The following PIEZO2 variants were observed in gnomAD, a reference collection of about 807,000 sequenced individuals.
The protein encoded by PIEZO2 is piezo-type mechanosensitive ion channel component 2.
PIEZO2 carries 172 observed loss-of-function variants against 337.3 expected under a neutral mutation model. The ratio of observed to expected loss-of-function variants is 0.51; its 90% confidence interval spans 0.45 to 0.58. The LOEUF (loss-of-function observed/expected upper bound fraction) is 0.58, where lower values mean the gene tolerates loss of function less well. Ranked by LOEUF, PIEZO2 falls within the 20% of genes least tolerant of loss-of-function variation. The pLI is 0.00. For synonymous variants in PIEZO2, 1,251 were observed against 1,228.5 expected (o/e 1.02, Z -0.38); for missense variants, 3,028 against 3,391.3 (o/e 0.89, Z 2.66).
chr18:10,680,547 C>G (rs2143490468), intron 51 of PIEZO2, among the ~76,000 whole-genome samples, 176 bp from the exon 52 acceptor site: 1 of 152,306 alleles, frequency 6.6e-6, no homozygotes, highest in African/African-American at 2.4e-5. Flanking sequence ...TCCTTACCCA[C>G]AGGTATGGGC....
At chr18:10,880,891 A>G (rs2042399264) in intron 4 of PIEZO2, among the ~76,000 whole-genome samples, 1 of 94,136 alleles carries the variant, frequency 1.1e-5, no homozygotes, top group African/African-American at 3.8e-5. Flanking sequence ...ATATATATAT[A>G]TATATATATA....
intron 3 of PIEZO2, among the ~76,000 whole-genome samples, chr18:10,921,515 T>G (rs1464607584): frequency 6.6e-6 from 1 of 152,162 alleles, no homozygotes; most frequent in Non-Finnish European, 1.5e-5. Flanking sequence ...CTGTCTTTAA[T>G]CTCTTAATCC....
chr18:11,103,786 C>CGTGTGTGT (rs71364107), intron 1 of PIEZO2, among the ~76,000 whole-genome samples: 81 of 148,386 alleles, frequency 5.5e-4, no homozygotes, highest in Middle Eastern at 3.4e-3. Flanking sequence ...AGATGCTGGT[C>CGTGTGTGT]GTGTGTGTGT....
At chr18:11,065,786 A>G (rs2038127050) in intron 2 of PIEZO2, among the ~76,000 whole-genome samples, 1 of 152,144 alleles carries the variant, frequency 6.6e-6, no homozygotes, top group African/African-American at 2.4e-5. Context: ...CAAAAAACAA[A>G]TGTATGTACC....
At position 10,878,477 on chromosome 18, in the gene PIEZO2, T is replaced by C. The variant is rs921480716; in HGVS notation, c.330-7062A>G. On this transcript the variant is annotated intron_variant, in intron 4 of 55. Coordinates refer to ENST00000674853, the MANE Select transcript of PIEZO2 (RefSeq NM_001378183.1). This position sits in a 1 kb window ranked among gnomAD's most constrained non-coding sequence, Gnocchi z 4.3. The stretch of plus-strand genomic sequence containing the variant: ...GAGTTTACAAATAAAGTTTCAGTTA[T>C]TTGCACATGCAGATTTCATTGTCAA... Among the ~76,000 whole-genome samples, 2 of 152,226 alleles carry C rather than the reference T, an allele frequency of 1.3e-5. No individual in the cohort carries two copies. The highest frequency in any genetic ancestry group is 2.9e-5 in the Non-Finnish European group (2 of 68,044).
chr18:10,979,588 T>A lies in PIEZO2; in HGVS notation c.233A>T (p.His78Leu), dbSNP rs932171957. ...LSFLLLHIIF[H>L]ITLVSLEAQH... is the part of the protein sequence containing the mutation. ...AGCTTCAAGGCTCACCAACGTGATGTGGAAAATGATGTGCAGCAACAGGAA... is the reference window on the plus strand; with the variant it reads ...AGCTTCAAGGCTCACCAACGTGATGAGGAAAATGATGTGCAGCAACAGGAA... The change falls in exon 3 of 56, where the codon CAC becomes CTC. Residue 78 changes from histidine (H) to leucine (L), a missense_variant. Physicochemically the swap from His to Leu is moderately conservative, Grantham distance 99 (BLOSUM62 -3). This residue lies in a region of PIEZO2 where 542 missense variants were observed against 605.6 expected (regional missense o/e 0.89). Transcript: ENST00000674853. This position sits in a 1 kb window ranked among gnomAD's most constrained non-coding sequence, Gnocchi z 4.0. 6.5e-7 allele frequency: 1 copy of A among 1,536,078 alleles called. No homozygotes were observed. The highest frequency in any genetic ancestry group is 2.4e-5 in the East Asian group (1 of 40,902).
intron 15 of PIEZO2, 54 bp from the exon 16 acceptor site, chr18:10,787,238 C>T: frequency 6.9e-7 from 1 of 1,445,754 alleles, no homozygotes. Flanking sequence ...TTTAGGAAAA[C>T]TCACAAAAAT....
rs1164308783 is a variant in PIEZO2, at chr18:11,003,994, A to G, written c.161-24334T>C. ...TTATGCCTTCCACAACTCTGACCCTAAACAAATGATGGTTTCCATGTTTTT... is the reference window on the plus strand; with the variant it reads ...TTATGCCTTCCACAACTCTGACCCTGAACAAATGATGGTTTCCATGTTTTT... On this transcript the variant is annotated intron_variant, in intron 2 of 55. Coordinates refer to ENST00000674853, the MANE Select transcript of PIEZO2 (RefSeq NM_001378183.1). The surrounding 1 kb of genome is among the most constrained non-coding windows in gnomAD (Gnocchi z 4.6). Among the ~76,000 whole-genome samples, 1 of 152,202 alleles carries G rather than the reference A, an allele frequency of 6.6e-6. No homozygotes were observed.
At chr18:11,010,522 C>T (rs2660276) in intron 2 of PIEZO2, among the ~76,000 whole-genome samples, 47,392 of 151,844 alleles carry the variant, frequency 0.31, 7,651 homozygotes, top group Non-Finnish European at 0.36. Flanking sequence ...CAACAAACCA[C>T]GTCTGCACTG....
intron 27 of PIEZO2, among the ~76,000 whole-genome samples, chr18:10,754,509 C>CA (rs1410685253): frequency 6.6e-5 from 10 of 152,186 alleles, no homozygotes; most frequent in African/African-American, 2.4e-4. Flanking sequence ...ATAACTAAAA[C>CA]AAAAATCAGC....
Position 11,125,562 on chromosome 18 carries a change from C to T in PIEZO2, c.64+22963G>A, listed in dbSNP as rs988853840. Among the ~76,000 whole-genome samples, 2 of 152,178 alleles carry T rather than the reference C, an allele frequency of 1.3e-5. No individual in the cohort carries two copies. The highest frequency in any genetic ancestry group is 4.8e-5 in the African/African-American group (2 of 41,438). On this transcript the variant is annotated intron_variant, in intron 1 of 55. Coordinates refer to ENST00000674853, the MANE Select transcript of PIEZO2 (RefSeq NM_001378183.1). This position sits in a 1 kb window ranked among gnomAD's most constrained non-coding sequence, Gnocchi z 4.4. ...CTCAATACATCTGCGGAAACCAAGA[C>T]ACACTCCATTCCAAATAAAGATTAC...
intron 1 of PIEZO2, among the ~76,000 whole-genome samples, chr18:11,081,734 AG>A (rs1454668460): frequency 6.6e-6 from 1 of 151,564 alleles, no homozygotes; most frequent in East Asian, 1.9e-4. Flanking sequence ...GCCATTTGAA[AG>A]CAAACACACC....
rs1568066760 is a variant in PIEZO2 at position 10,795,379 on chromosome 18, ATTTTATTTTATTTTATTTTAT to A, written c.1528-398_1528-378del. Among the ~76,000 whole-genome samples the A allele has an allele frequency of 1.5e-4, 10 of 64,854 alleles. No individual in the cohort carries two copies. Among genetic ancestry groups the A allele is most frequent in the African/African-American group, 3.4e-4 (4 of 11,620 alleles). The allele number at this position is 64,854 out of a possible 152,430, so 42.5% of individuals were successfully genotyped here. A position where few individuals can be genotyped will look rare whatever the true frequency, so the allele number is the denominator to read the frequency against. ...ATTTTATTTTATTTTATTTTATTTT[ATTTTATTTTATTTTATTTTAT>A]TTTATTTTATTCAGCTCTATTGCTT... On this transcript the variant is annotated intron_variant, in intron 12 of 55. Coordinates refer to ENST00000674853, the MANE Select transcript of PIEZO2 (RefSeq NM_001378183.1). The surrounding 1 kb of genome is among the most constrained non-coding windows in gnomAD (Gnocchi z 4.4).
In PIEZO2 at chr18:10,787,196, A is replaced by G. The variant is rs2039253397; in HGVS notation, c.2170-12T>C. ...CATTCATAGTGCACCTGCAAATCAGACATTGAAAAAAAAAAATGAGAAAAA... is the reference window on the plus strand; with the variant it reads ...CATTCATAGTGCACCTGCAAATCAGGCATTGAAAAAAAAAAATGAGAAAAA... On this transcript the variant is annotated splice_polypyrimidine_tract_variant and intron_variant, in intron 15 of 55. Coordinates refer to ENST00000674853, the MANE Select transcript of PIEZO2 (RefSeq NM_001378183.1). 3.4e-6 allele frequency: 5 copies of G among 1,472,720 alleles called. No homozygotes were observed. Among genetic ancestry groups the G allele is most frequent in the Middle Eastern group, 1.9e-4 (1 of 5,134 alleles). The allele number at this position is 1,472,720 out of a possible 1,614,324, so 91.2% of individuals were successfully genotyped here.
intron 2 of PIEZO2, among the ~76,000 whole-genome samples, chr18:11,056,923 G>C (rs1281030414): frequency 6.6e-6 from 1 of 152,212 alleles, no homozygotes; most frequent in East Asian, 1.9e-4. Flanking sequence ...GTTGGTTTCA[G>C]CAGGAACAAC....
intron 18 of PIEZO2, 127 bp downstream of exon 18, chr18:10,780,198 T>C (rs895722995): frequency 3.1e-6 from 2 of 651,614 alleles, no homozygotes; most frequent in African/African-American, 1.8e-5. Flanking sequence ...AATACATCCA[T>C]GAGCATACCT....
Position 10,847,077 on chromosome 18 carries a change from T to C in PIEZO2, c.917+8276A>G, listed in dbSNP as rs1423782108. On this transcript the variant is annotated intron_variant, in intron 7 of 55. Coordinates refer to ENST00000674853, the MANE Select transcript of PIEZO2 (RefSeq NM_001378183.1). This position sits in a 1 kb window ranked among gnomAD's most constrained non-coding sequence, Gnocchi z 5.7. Reference sequence around the variant, plus strand: ...AGAGTTTTAGTAAAGTTCTGCTAGGTGCTCTGCCTAGAAAATAGCAGGGCC... The same window carrying C: ...AGAGTTTTAGTAAAGTTCTGCTAGGCGCTCTGCCTAGAAAATAGCAGGGCC... 6.6e-6 allele frequency among the ~76,000 whole-genome samples: 1 copy of C among 152,196 alleles called. No individual in the cohort carries two copies. The highest frequency in any genetic ancestry group is 6.5e-5 in the Admixed American group (1 of 15,284).
intron 4 of PIEZO2, among the ~76,000 whole-genome samples, chr18:10,875,211 T>C (rs1484238211): frequency 6.6e-6 from 1 of 152,160 alleles, no homozygotes; most frequent in African/African-American, 2.4e-5. Context: ...GGTCTTAAAA[T>C]ACAGCAAATT....
chr18:11,056,769 T>C (rs2037745783), intron 2 of PIEZO2, among the ~76,000 whole-genome samples: 1 of 151,894 alleles, frequency 6.6e-6, no homozygotes, highest in Non-Finnish European at 1.5e-5. Flanking sequence ...CGCCTGGGCC[T>C]CTTCACAGTC....
Sources: gnomAD v4.1 joint callset for allele counts (sites outside exome capture counted in the v4.1 genomes callset) on GRCh38, gnomAD v4.1.1 for gene constraint, gnomAD v4.1.1 regional missense constraint, Gnocchi (gnomAD v3.1) non-coding constraint, MANE v1.5 for transcripts, NCBI Gene and HGNC (gene_info 2026-07-23, HGNC 2026-07-21) for gene names.